Variants in ARK2N observed in about 807,000 individuals in gnomAD.
ARK2N encodes arkadia (RNF111) N-terminal like PKA signaling regulator 2N, also known as protein ARK2N.
chr18:46,250,413 T>G, the ARK2N span, among the ~76,000 whole-genome samples: 2 of 151,930 alleles, frequency 1.3e-5, no homozygotes, highest in East Asian at 3.9e-4. Context: ...TTTACCTAAG[T>G]CAGAAACCTA....
the ARK2N span, among the ~76,000 whole-genome samples, chr18:46,213,877 AG>A: frequency 9.8e-4 from 149 of 152,072 alleles, no homozygotes; most frequent in African/African-American, 3.5e-3. Flanking sequence ...TTGTATTTTT[AG>A]TAGAGACGGG....
chr18:46,257,962 T>C, the ARK2N span, among the ~76,000 whole-genome samples: 1 of 151,452 alleles, frequency 6.6e-6, no homozygotes, highest in African/African-American at 2.4e-5. Context: ...AGTCTCGCCC[T>C]GTCCTCCAGG....
the ARK2N span, among the ~76,000 whole-genome samples, chr18:46,244,601 A>ACTTTTTTTT: frequency 3.3e-4 from 31 of 93,864 alleles, no homozygotes; most frequent in Admixed American, 4.1e-4. Flanking sequence ...AAGAGTTTAG[A>ACTTTTTTTT]TTTTTTTTTT....
chr18:46,257,426 T>C, the ARK2N span, among the ~76,000 whole-genome samples: 1 of 152,208 alleles, frequency 6.6e-6, no homozygotes, highest in South Asian at 2.1e-4. Flanking sequence ...GTGTATCCTC[T>C]AGTCCTAGAC....
chr18:46,189,994 T>C, the ARK2N span, among the ~76,000 whole-genome samples: 1 of 152,234 alleles, frequency 6.6e-6, no homozygotes, highest in African/African-American at 2.4e-5. Flanking sequence ...TCTAGTCTTA[T>C]CCTGAGAGGC....
At chr18:46,192,045 C>T in the ARK2N span, among the ~76,000 whole-genome samples, 1 of 152,174 alleles carries the variant, frequency 6.6e-6, no homozygotes, top group Admixed American at 6.6e-5. Context: ...ATCCATTCAC[C>T]TACTGAAGGA....
the ARK2N span, among the ~76,000 whole-genome samples, chr18:46,256,943 C>T: frequency 6.6e-6 from 1 of 152,132 alleles, no homozygotes; most frequent in African/African-American, 2.4e-5. Flanking sequence ...TTCAGAGTTG[C>T]CCCTTGGCTG....
the ARK2N span, among the ~76,000 whole-genome samples, chr18:46,174,887 A>C: frequency 6.6e-6 from 1 of 152,210 alleles, no homozygotes; most frequent in Non-Finnish European, 1.5e-5. Flanking sequence ...TGGAGGGAGA[A>C]AAGGCTTTCT....
the ARK2N span, among the ~76,000 whole-genome samples, chr18:46,259,095 A>T: frequency 4.8e-3 from 727 of 152,266 alleles, 9 homozygotes; most frequent in African/African-American, 0.016. Context: ...TGTGTTTGAG[A>T]TCATTAAAGT....
the ARK2N span, among the ~76,000 whole-genome samples, chr18:46,237,970 A>T: frequency 6.6e-6 from 1 of 152,230 alleles, no homozygotes; most frequent in Non-Finnish European, 1.5e-5. Flanking sequence ...AAGCTAAGTT[A>T]TAAGGTGTGC....
the ARK2N span, among the ~76,000 whole-genome samples, chr18:46,220,140 C>T: frequency 5.7e-4 from 86 of 152,164 alleles, no homozygotes; most frequent in African/African-American, 1.8e-3. Flanking sequence ...TTATTCACAC[C>T]GAAGTTCCAA....
the ARK2N span, chr18:46,231,879 C>A: frequency 6.6e-6 from 1 of 151,872 alleles, no homozygotes; most frequent in South Asian, 2.1e-4. Flanking sequence ...CTCAGCTACC[C>A]GAGTAGCTGG....
At chr18:46,226,515 C>T in the ARK2N span, among the ~76,000 whole-genome samples, 1 of 152,040 alleles carries the variant, frequency 6.6e-6, no homozygotes, top group Admixed American at 6.6e-5. Flanking sequence ...GAATGTACTA[C>T]CAGTTTAATT....
At chr18:46,182,885 C>T in the ARK2N span, among the ~76,000 whole-genome samples, 1 of 151,952 alleles carries the variant, frequency 6.6e-6, no homozygotes, top group African/African-American at 2.4e-5. Context: ...GGCAAGCAAG[C>T]AAAGCTGATC....
At chr18:46,189,212 C>CAAAAAAAA in the ARK2N span, among the ~76,000 whole-genome samples, 90 of 86,868 alleles carry the variant, frequency 1.0e-3, 1 homozygote, top group African/African-American at 4.2e-3. Flanking sequence ...GAGACTGTCT[C>CAAAAAAAA]AAAAAAAAAA....
At chr18:46,195,993 T>C in the ARK2N span, among the ~76,000 whole-genome samples, 5 of 151,864 alleles carry the variant, frequency 3.3e-5, no homozygotes, top group African/African-American at 1.2e-4. Context: ...TTCTTTTTTT[T>C]TTTTGAGACA....
At chr18:46,173,968 C>T in the ARK2N span, 2 of 152,290 alleles carry the variant, frequency 1.3e-5, no homozygotes, top group Non-Finnish European at 2.9e-5. Context: ...GGGCGCCAGT[C>T]TCCAGAGGTC....
the ARK2N span, among the ~76,000 whole-genome samples, chr18:46,195,265 C>T: frequency 7.8e-6 from 1 of 128,548 alleles, no homozygotes; most frequent in African/African-American, 2.8e-5. Context: ...TTTTATTTAA[C>T]CTTTTTTTTT....
the ARK2N span, among the ~76,000 whole-genome samples, chr18:46,236,449 G>A: frequency 6.6e-6 from 1 of 152,358 alleles, no homozygotes; most frequent in East Asian, 1.9e-4. Context: ...TAACACAGAT[G>A]TGTTACATTT....
Sources: allele counts gnomAD v4.1 joint callset (sites outside exome capture counted in the v4.1 genomes callset), GRCh38; gene constraint gnomAD v4.1.1; transcripts MANE v1.5; gene names NCBI Gene and HGNC (gene_info 2026-07-23, HGNC 2026-07-21).